Variants in SLC44A5 observed in about 807,000 individuals in gnomAD.
SLC44A5 encodes the protein choline transporter-like protein 5.
In SLC44A5, 57 loss-of-function variants were observed where a neutral mutation model predicts 101.8. The observed-to-expected ratio is 0.56, with a 90% CI of 0.45 to 0.70. The LOEUF (loss-of-function observed/expected upper bound fraction) is 0.70, where lower values mean the gene tolerates loss of function less well. Among genes scored for constraint, SLC44A5 ranks in the 30% least tolerant of loss-of-function variants. SLC44A5 has a pLI of 0.00. For missense variants in SLC44A5, 737 were observed against 853.1 expected (o/e 0.86, Z 1.70); for synonymous variants, 281 against 290.9 (o/e 0.97, Z 0.35).
At chr1:75,711,902 T>C in the SLC44A5 span, among the ~76,000 whole-genome samples, 2 of 152,200 alleles carry the variant, frequency 1.3e-5, no homozygotes, top group Non-Finnish European at 2.9e-5. Flanking sequence ...AAGAGTTCCA[T>C]TAATATTGCT....
In SLC44A5 at chr1:75,242,012, G is replaced by C; in HGVS notation, c.521C>G (p.Pro174Arg). 6.2e-7 allele frequency: 1 copy of C among 1,611,984 alleles called. No individual in the cohort carries two copies. Among genetic ancestry groups the C allele is most frequent in the Non-Finnish European group, 8.5e-7 (1 of 1,178,642 alleles). ...TAGTTGCCACTTACAAGGTTTGCTGGGAAAAATCGCTGTTGGACAATCATC... is the reference window on the plus strand; with the variant it reads ...TAGTTGCCACTTACAAGGTTTGCTGCGAAAAATCGCTGTTGGACAATCATC... ...LDDDCPTAIF[P>R]SKPFLQRCFP... Residue 174 changes from proline to arginine, a missense_variant, in exon 9 of 24, where the codon CCC becomes CGC. Physicochemically the swap from Pro to Arg is moderately radical, Grantham distance 103. Transcript: ENST00000370859.
intron 2 of SLC44A5, among the ~76,000 whole-genome samples, chr1:75,483,596 T>A (rs1667991270): frequency 6.6e-6 from 1 of 152,020 alleles, no homozygotes; most frequent in Non-Finnish European, 1.5e-5. Flanking sequence ...TAAGAAATTA[T>A]TCTTTATTTA....
chr1:75,418,799 T>G (rs974598418), intron 2 of SLC44A5, among the ~76,000 whole-genome samples: 7 of 152,216 alleles, frequency 4.6e-5, no homozygotes, highest in African/African-American at 1.7e-4. Flanking sequence ...TTTTTTAAAT[T>G]TTTGAATTGA....
chr1:75,430,063 G>A (rs918122578), intron 2 of SLC44A5, among the ~76,000 whole-genome samples: 1 of 152,074 alleles, frequency 6.6e-6, no homozygotes, highest in African/African-American at 2.4e-5. Flanking sequence ...TCATTGCTGT[G>A]GTCTGAATGT....
intron 7 of SLC44A5, 64 bp downstream of exon 7, chr1:75,251,146 C>T: frequency 7.6e-7 from 1 of 1,312,982 alleles, no homozygotes; most frequent in Non-Finnish European, 1.1e-6. Flanking sequence ...TGGAATTTCT[C>T]AATTCTTTTA....
chr1:75,582,130 G>C, intron 1 of SLC44A5: 1 of 743,642 alleles, frequency 1.3e-6, no homozygotes, highest in Non-Finnish European at 2.4e-6. Context: ...ACACACAACT[G>C]GTCCCGAATA....
At chr1:75,501,006 G>T (rs1282716677) in intron 2 of SLC44A5, among the ~76,000 whole-genome samples, 5 of 152,256 alleles carry the variant, frequency 3.3e-5, no homozygotes, top group Admixed American at 6.5e-5. Flanking sequence ...TACACAATAT[G>T]CTTAAGGCAA....
At chr1:75,270,897 C>T (rs1268228955) in intron 6 of SLC44A5, among the ~76,000 whole-genome samples, 2 of 152,020 alleles carry the variant, frequency 1.3e-5, no homozygotes, top group Admixed American at 1.3e-4. Flanking sequence ...GGATCATTGG[C>T]TTATGTCTGG....
At chr1:75,523,358 G>T (rs945827809) in intron 2 of SLC44A5, among the ~76,000 whole-genome samples, 1 of 152,070 alleles carries the variant, frequency 6.6e-6, no homozygotes, top group African/African-American at 2.4e-5. Context: ...GATCCCCCAG[G>T]CTGGAGTGCA....
chr1:75,306,878 G>C (rs1018986551), intron 4 of SLC44A5, among the ~76,000 whole-genome samples: 4 of 151,574 alleles, frequency 2.6e-5, no homozygotes, highest in Non-Finnish European at 5.9e-5. Flanking sequence ...GGGACTACAG[G>C]CGCCCGCCAT....
intron 1 of SLC44A5, among the ~76,000 whole-genome samples, chr1:75,561,146 A>G (rs141080931): frequency 1.3e-5 from 2 of 152,292 alleles, no homozygotes; most frequent in African/African-American, 2.4e-5. Flanking sequence ...TTTTCTCTGC[A>G]TGATACAAAT....
chr1:75,609,315 T>C (rs1017855501), intron 1 of SLC44A5, among the ~76,000 whole-genome samples: 2 of 152,012 alleles, frequency 1.3e-5, no homozygotes, highest in Non-Finnish European at 2.9e-5. Flanking sequence ...GTTTTTTCTT[T>C]TTTAATTGGC....
chr1:75,365,244 G>T (rs1327579883), intron 3 of SLC44A5, among the ~76,000 whole-genome samples: 1 of 152,048 alleles, frequency 6.6e-6, no homozygotes, highest in East Asian at 1.9e-4. Context: ...AAGGGGGTTG[G>T]CTGTACAGAT....
the SLC44A5 span, among the ~76,000 whole-genome samples, chr1:75,684,581 T>C: frequency 6.6e-6 from 1 of 152,196 alleles, no homozygotes; most frequent in Non-Finnish European, 1.5e-5. Context: ...ACAGGCCCCA[T>C]GCAAGTCCAA....
the SLC44A5 span, chr1:75,678,000 T>C: frequency 5.3e-6 from 1 of 187,760 alleles, no homozygotes; most frequent in Admixed American, 5.7e-5. Context: ...AAAGGGGTGA[T>C]GGACGGCACC....
At chr1:75,674,626 C>G in the SLC44A5 span, among the ~76,000 whole-genome samples, 1 of 80,930 alleles carries the variant, frequency 1.2e-5, no homozygotes, top group East Asian at 4.0e-4. Flanking sequence ...GTGATCCCCC[C>G]CAACCTCAGC....
At chr1:75,264,843 GA>G (rs1200581382) in intron 6 of SLC44A5, among the ~76,000 whole-genome samples, 3 of 151,526 alleles carry the variant, frequency 2.0e-5, no homozygotes, top group African/African-American at 4.8e-5. Flanking sequence ...AGTTTTTATT[GA>G]AAAAAATAAA....
the SLC44A5 span, among the ~76,000 whole-genome samples, chr1:75,677,520 T>A: frequency 6.6e-6 from 1 of 151,570 alleles, no homozygotes; most frequent in Non-Finnish European, 1.5e-5. Context: ...AAACATATCA[T>A]CAGATAAAAA....
chr1:75,677,996 G>A, the SLC44A5 span: 2 of 187,702 alleles, frequency 1.1e-5, no homozygotes, highest in Non-Finnish European at 2.2e-5. Flanking sequence ...AAAGAAAGGG[G>A]TGATGGACGG....
Sources: gnomAD v4.1 joint callset for allele counts (sites outside exome capture counted in the v4.1 genomes callset) on GRCh38, gnomAD v4.1.1 for gene constraint, MANE v1.5 for transcripts, NCBI Gene and HGNC (gene_info 2026-07-23, HGNC 2026-07-21) for gene names.